FBXO17: variants seen among roughly 807,000 people sequenced by gnomAD.
The protein encoded by FBXO17 is F-box only protein 17.
A neutral mutation model predicts 34.1 loss-of-function variants in FBXO17; 43 were observed. That is an observed-to-expected ratio of 1.26 (90% CI 0.99 to 1.62). The LOEUF (loss-of-function observed/expected upper bound fraction) is 1.62. FBXO17 is among the 40% of genes most tolerant of loss of function. FBXO17 has a pLI of 0.00. For synonymous variants in FBXO17, 169 were observed against 166.0 expected (o/e 1.02, Z -0.14); for missense variants, 424 against 386.7 (o/e 1.10, Z -0.81).
At chr19:38,947,193 G>A (rs1478065228) in intron 3 of FBXO17, 1 of 153,166 alleles carries the variant, frequency 6.5e-6, no homozygotes, top group Non-Finnish European at 1.5e-5. Context: ...CTACAACTTT[G>A]TAAACAGTCC....
intron 4 of FBXO17, 41 bp downstream of exon 4, chr19:38,946,431 G>A (rs1350422453): frequency 1.9e-6 from 3 of 1,612,656 alleles, no homozygotes; most frequent in Middle Eastern, 1.7e-4. Context: ...CCGCTGCCAA[G>A]CCTGCTGCTG....
At chr19:38,954,898 A>T (rs747711582) in intron 1 of FBXO17, among the ~76,000 whole-genome samples, 1,147 of 9,950 alleles carry the variant, frequency 0.12, 24 homozygotes, top group Admixed American at 0.37. Context: ...GTGTTATTTT[A>T]TTATTATTAT....
chr19:38,973,703 G>A (rs971742843), intron 1 of FBXO17, among the ~76,000 whole-genome samples: 8 of 151,878 alleles, frequency 5.3e-5, no homozygotes, highest in Non-Finnish European at 1.0e-4. Flanking sequence ...TTGTTTGGGC[G>A]CCGGTGGCTC....
At chr19:38,969,872 A>G (rs1431626462) in intron 1 of FBXO17, among the ~76,000 whole-genome samples, 1 of 152,064 alleles carries the variant, frequency 6.6e-6, no homozygotes, top group Admixed American at 6.6e-5. Flanking sequence ...TGCTGGGATT[A>G]TAGGCATGAG....
intron 5 of FBXO17, among the ~76,000 whole-genome samples, chr19:38,944,294 G>C (rs145031280): frequency 8.6e-5 from 7 of 81,314 alleles, no homozygotes; most frequent in African/African-American, 3.6e-4. Flanking sequence ...TTTAGTTAGC[G>C]TCTCAGTCTG....
intron 5 of FBXO17, chr19:38,944,746 G>A (rs1312049901): frequency 1.6e-6 from 1 of 610,194 alleles, no homozygotes; most frequent in Admixed American, 3.2e-5. Context: ...CACACAGTAG[G>A]TGCTCAATCA....
intron 1 of FBXO17, among the ~76,000 whole-genome samples, chr19:38,965,385 T>C (rs11083492): frequency 0.64 from 96,281 of 151,116 alleles, 30,880 homozygotes; most frequent in East Asian, 0.76. Flanking sequence ...CTGGAGTGCA[T>C]GACACAATCT....
chr19:38,954,294 G>T (rs755823678), intron 1 of FBXO17, among the ~76,000 whole-genome samples: 3 of 152,122 alleles, frequency 2.0e-5, no homozygotes, highest in Non-Finnish European at 4.4e-5. Flanking sequence ...TTTTGAGATG[G>T]AGTCTCGATC....
chr19:38,952,376 C>G (rs1468329650), intron 1 of FBXO17, among the ~76,000 whole-genome samples: 1 of 152,172 alleles, frequency 6.6e-6, no homozygotes, highest in African/African-American at 2.4e-5. Flanking sequence ...CCTTTGGAAC[C>G]CATGACCCAT....
At chr19:38,949,711 T>C in intron 2 of FBXO17, 1 of 576,144 alleles carries the variant, frequency 1.7e-6, no homozygotes, top group South Asian at 2.2e-5. Flanking sequence ...CCCCTCTGCA[T>C]ACCAAACTAC....
chr19:38,967,786 G>A lies in FBXO17; in HGVS notation c.-18+7800C>T, dbSNP rs528663289. 1.7e-4 allele frequency among the ~76,000 whole-genome samples: 26 copies of A among 152,070 alleles called. 1 individual carries two copies. In the South Asian group the frequency reaches 5.4e-3, roughly 32 times the overall value. On this transcript the variant is annotated intron_variant, in intron 1 of 5. Coordinates refer to ENST00000292852, the MANE Select transcript of FBXO17 (RefSeq NM_024907.7). ...TTCCTATATTGCCCAGGCTGGTCTT[G>A]AACTCCTGGGATCAAGGGATCCTCC...
chr19:38,965,484 C>T (rs1214218149), intron 1 of FBXO17, among the ~76,000 whole-genome samples: 3 of 151,750 alleles, frequency 2.0e-5, no homozygotes, highest in Non-Finnish European at 4.4e-5. Context: ...CCCACCACCA[C>T]ATCTGGCTAA....
chr19:38,958,693 C>T (rs907635001), intron 1 of FBXO17, among the ~76,000 whole-genome samples: 4 of 152,072 alleles, frequency 2.6e-5, no homozygotes, highest in Admixed American at 6.6e-5. Flanking sequence ...ACTCAGCTAC[C>T]CAAAGGGACC....
At chr19:38,956,095 A>G (rs1450936104) in intron 1 of FBXO17, among the ~76,000 whole-genome samples, 6 of 151,574 alleles carry the variant, frequency 4.0e-5, no homozygotes, top group African/African-American at 9.7e-5. Context: ...GCGAAACCCC[A>G]TCTCTACAAA....
intron 1 of FBXO17, among the ~76,000 whole-genome samples, chr19:38,972,941 C>T (rs1189309657): frequency 1.3e-5 from 2 of 152,074 alleles, no homozygotes; most frequent in South Asian, 2.1e-4. Context: ...TTATTTTTGT[C>T]GAGACAGGGT....
intron 1 of FBXO17, among the ~76,000 whole-genome samples, chr19:38,970,432 T>C (rs1470215876): frequency 6.6e-6 from 1 of 152,036 alleles, no homozygotes; most frequent in Non-Finnish European, 1.5e-5. Flanking sequence ...GGTCTAGAAC[T>C]CCTGACCTCA....
At chr19:38,946,644 G>T in intron 3 of FBXO17, 77 bp from the exon 4 acceptor site, 1 of 1,575,022 alleles carries the variant, frequency 6.3e-7, no homozygotes, top group South Asian at 1.2e-5. Context: ...CCTCCTCCAA[G>T]AAGTCTCCCT....
At chr19:38,949,655 A>T (rs1043367001) in intron 2 of FBXO17, 4 of 499,812 alleles carry the variant, frequency 8.0e-6, no homozygotes, top group Non-Finnish European at 1.4e-5. Flanking sequence ...TGGCCTCCCA[A>T]AGCGTTGCCA....
Position 38,975,510 on chromosome 19 carries a change from G to T in FBXO17, c.-18+76C>A, listed in dbSNP as rs1975449683. On this transcript the variant is annotated intron_variant, in intron 1 of 5. Transcript: ENST00000292852. The surrounding 1 kb of genome is among the most constrained non-coding windows in gnomAD (Gnocchi z 4.9). ...GGCCTGGCGCGGGAATCCTTCCCGG[G>T]GCGCCCCAGCTGTGGGCGAGAACGG... The T allele has an allele frequency of 6.6e-6, 1 of 152,254 alleles. No individual in the cohort carries two copies. The highest frequency in any genetic ancestry group is 6.5e-5 in the Admixed American group (1 of 15,280). The allele number at this position is 152,254 out of a possible 1,614,324, so 9.4% of individuals were successfully genotyped here. A position where few individuals can be genotyped will look rare whatever the true frequency, so the allele number is the denominator to read the frequency against.
Sources: gnomAD v4.1 joint callset for allele counts (sites outside exome capture counted in the v4.1 genomes callset) on GRCh38, gnomAD v4.1.1 for gene constraint, Gnocchi (gnomAD v3.1) non-coding constraint, MANE v1.5 for transcripts, NCBI Gene and HGNC (gene_info 2026-07-23, HGNC 2026-07-21) for gene names.